SLC24A3: variants seen among roughly 807,000 people sequenced by gnomAD.
The protein encoded by SLC24A3 is solute carrier family 24 member 3, also known as sodium/potassium/calcium exchanger 3.
SLC24A3 carries 28 observed loss-of-function variants against 75.8 expected under a neutral mutation model. The observed-to-expected ratio is 0.37, with a 90% confidence interval of 0.27 to 0.51. The LOEUF (loss-of-function observed/expected upper bound fraction) is 0.51, where lower values mean the gene tolerates loss of function less well. Ranked by LOEUF, SLC24A3 falls within the 20% of genes least tolerant of loss-of-function variation. The probability of loss-of-function intolerance (pLI) is 0.94; values close to 1 mark genes in which losing one functional copy is unlikely to be tolerated. For missense variants in SLC24A3, 663 were observed against 847.8 expected, an observed-to-expected ratio of 0.78 and a Z score of 2.71; for synonymous variants, 372 against 334.1, an observed-to-expected ratio of 1.11 and a Z score of -1.24.
rs530673528 is a variant in SLC24A3 at position 19,405,121 on chromosome 20, G to A, written c.272-110367G>A. Among the ~76,000 whole-genome samples the A allele has an allele frequency of 7.2e-5, 11 of 152,058 alleles. No individual in the cohort carries two copies. In the East Asian group the frequency reaches 2.1e-3, roughly 30 times the overall value. The stretch of plus-strand genomic sequence containing the variant: ...AAATCACATCTTTTCAGCTGCCCCC[G>A]CCCCAATCCCCAGCTTCTCTGGAAT... On this transcript the variant is annotated intron_variant, in intron 2 of 16. Transcript: ENST00000328041.
chr20:19,474,581 A>G (rs528257332), intron 2 of SLC24A3, among the ~76,000 whole-genome samples: 1 of 152,280 alleles, frequency 6.6e-6, no homozygotes, highest in Admixed American at 6.5e-5. Context: ...ACTATGTGAA[A>G]GAAAAATATT....
At chr20:19,698,220 A>G (rs778934654) in intron 14 of SLC24A3, among the ~76,000 whole-genome samples, 1 of 152,224 alleles carries the variant, frequency 6.6e-6, no homozygotes, top group Non-Finnish European at 1.5e-5. Context: ...AACCACCCCC[A>G]TAATCCAATC....
intron 6 of SLC24A3, among the ~76,000 whole-genome samples, chr20:19,643,127 G>A (rs1222108037): frequency 1.3e-5 from 2 of 152,146 alleles, no homozygotes; most frequent in Non-Finnish European, 2.9e-5. Flanking sequence ...AAATATCACT[G>A]TTCACTCCTA....
intron 2 of SLC24A3, among the ~76,000 whole-genome samples, chr20:19,323,596 A>G (rs533337171): frequency 6.6e-6 from 1 of 152,322 alleles, no homozygotes; most frequent in South Asian, 2.1e-4. Context: ...AGCCTGCTGC[A>G]GGGAAGTCCT....
Position 19,693,558 on chromosome 20 carries a change from T to A in SLC24A3, c.1491+133T>A, listed in dbSNP as rs548540862. ...AATAAGCTGCACAACGAACCACTCC[T>A]AAACTTAGTAGTTTAGAATTGCAGG... is the stretch of plus-strand genomic sequence containing the variant. On this transcript the variant is annotated intron_variant, in intron 13 of 16. Coordinates refer to ENST00000328041, the MANE Select transcript of SLC24A3 (RefSeq NM_020689.4). 14 of 1,156,418 alleles carry A rather than the reference T, an allele frequency of 1.2e-5. No individual in the cohort carries two copies. In the East Asian group the frequency reaches 3.6e-4, roughly 30 times the overall value. 71.6% of individuals were successfully genotyped at this position (1,156,418 alleles called of 1,614,324 possible).
chr20:19,215,446 C>T (rs939816002), intron 1 of SLC24A3, among the ~76,000 whole-genome samples: 1 of 152,146 alleles, frequency 6.6e-6, no homozygotes, highest in African/African-American at 2.4e-5. Flanking sequence ...TTTATATAAT[C>T]TCATAGGGGG....
chr20:19,312,610 A>T (rs1984486716), intron 2 of SLC24A3, among the ~76,000 whole-genome samples: 1 of 152,210 alleles, frequency 6.6e-6, no homozygotes. Flanking sequence ...ATAGGTTATT[A>T]ATACACCAGT....
At chr20:19,380,635 A>G (rs1986165134) in intron 2 of SLC24A3, among the ~76,000 whole-genome samples, 1 of 152,030 alleles carries the variant, frequency 6.6e-6, no homozygotes, top group Admixed American at 6.6e-5. Context: ...CTAGCCTCTG[A>G]GGAAAAGCAC....
chr20:19,328,663 A>G (rs1984925963), intron 2 of SLC24A3, among the ~76,000 whole-genome samples: 1 of 152,096 alleles, frequency 6.6e-6, no homozygotes. Context: ...GCTTCATGGG[A>G]GACCGGGTGT....
At chr20:19,715,990 C>T (rs2033041362) in intron 15 of SLC24A3, among the ~76,000 whole-genome samples, 1 of 152,232 alleles carries the variant, frequency 6.6e-6, no homozygotes, top group African/African-American at 2.4e-5. Flanking sequence ...CCTTGGAGAA[C>T]AGAAGTGGAT....
chr20:19,544,257 A>T (rs945356290), intron 3 of SLC24A3, among the ~76,000 whole-genome samples: 3 of 152,212 alleles, frequency 2.0e-5, no homozygotes, highest in Non-Finnish European at 4.4e-5. Flanking sequence ...CAGGAGCAAC[A>T]CTACAGAAAT....
At chr20:19,688,567 G>C (rs529385899) in intron 12 of SLC24A3, among the ~76,000 whole-genome samples, 2 of 152,248 alleles carry the variant, frequency 1.3e-5, no homozygotes, top group African/African-American at 4.8e-5. Context: ...AGAAGCCAGG[G>C]AGTCAGTTCT....
At chr20:19,502,968 A>G (rs1328400894) in intron 2 of SLC24A3, among the ~76,000 whole-genome samples, 1 of 150,122 alleles carries the variant, frequency 6.7e-6, no homozygotes, top group Non-Finnish European at 1.5e-5. Context: ...TGGAGGCTGC[A>G]GTGAGCCATG....
intron 2 of SLC24A3, chr20:19,284,424 A>C (rs1983752532): frequency 6.5e-6 from 1 of 152,824 alleles, no homozygotes; most frequent in Non-Finnish European, 1.5e-5. Context: ...CGAAAATCTT[A>C]AATAGAGAGG....
intron 2 of SLC24A3, among the ~76,000 whole-genome samples, chr20:19,429,578 T>C (rs1318634176): frequency 6.6e-6 from 1 of 152,206 alleles, no homozygotes; most frequent in African/African-American, 2.4e-5. Context: ...TGGAAGACGA[T>C]GAGAGTTAGA....
At chr20:19,504,833 T>G (rs1988439635) in intron 2 of SLC24A3, among the ~76,000 whole-genome samples, 1 of 152,234 alleles carries the variant, frequency 6.6e-6, no homozygotes, top group Non-Finnish European at 1.5e-5. Flanking sequence ...TGACACAGCC[T>G]TGATAATCAC....
intron 3 of SLC24A3, among the ~76,000 whole-genome samples, chr20:19,536,122 G>A (rs73900403): frequency 1.0e-3 from 152 of 152,252 alleles, no homozygotes; most frequent in African/African-American, 3.3e-3. Context: ...GAGAGATGCC[G>A]CTGATGGAGA....
intron 2 of SLC24A3, among the ~76,000 whole-genome samples, chr20:19,359,515 G>T (rs1289806999): frequency 6.6e-6 from 1 of 152,102 alleles, no homozygotes; most frequent in Non-Finnish European, 1.5e-5. Flanking sequence ...TGGGAGGTGG[G>T]TAAAGTCAGG....
intron 2 of SLC24A3, among the ~76,000 whole-genome samples, chr20:19,452,713 T>C (rs1413412210): frequency 1.3e-5 from 2 of 151,990 alleles, no homozygotes; most frequent in Admixed American, 6.6e-5. Flanking sequence ...TGAAAACAGC[T>C]TCAGCAAGGT....
Sources: gnomAD v4.1 joint callset for allele counts (sites outside exome capture counted in the v4.1 genomes callset) on GRCh38, gnomAD v4.1.1 for gene constraint, MANE v1.5 for transcripts, NCBI Gene and HGNC (gene_info 2026-07-23, HGNC 2026-07-21) for gene names.